CORIN: variants seen among roughly 807,000 people sequenced by gnomAD.
The protein encoded by CORIN is corin, serine peptidase.
Under a neutral mutation model 125.3 loss-of-function variants are expected in CORIN, and 117 were observed. That is an observed-to-expected ratio of 0.93 (90% CI 0.80 to 1.09). The LOEUF (loss-of-function observed/expected upper bound fraction) is 1.09. Among genes scored for constraint, CORIN ranks in the 50% least tolerant of loss-of-function variants. The pLI, the probability that CORIN is intolerant of heterozygous loss-of-function variation, is 0.00. For synonymous variants in CORIN, 450 were observed against 466.4 expected (o/e 0.96, Z 0.45); for missense variants, 1,253 against 1,306.7 (o/e 0.96, Z 0.63).
chr4:47,686,502 T>C (rs567779787), intron 6 of CORIN, among the ~76,000 whole-genome samples: 1 of 152,180 alleles, frequency 6.6e-6, no homozygotes. Context: ...GCACCCCCAC[T>C]GCTGAATGAG....
intron 10 of CORIN, among the ~76,000 whole-genome samples, chr4:47,670,046 G>A (rs1205180898): frequency 2.6e-5 from 4 of 152,252 alleles, no homozygotes; most frequent in Non-Finnish European, 5.9e-5. Context: ...GACTTGTAGG[G>A]TATACCAGCT....
chr4:47,755,798 A>G (rs6846979), intron 4 of CORIN, among the ~76,000 whole-genome samples: 28,002 of 152,218 alleles, frequency 0.18, 2,997 homozygotes, highest in Admixed American at 0.27. Context: ...TAATATACAC[A>G]CAAAATTTGA....
chr4:47,739,169 A>T (rs1728267368), intron 5 of CORIN, among the ~76,000 whole-genome samples: 1 of 152,074 alleles, frequency 6.6e-6, no homozygotes, highest in South Asian at 2.1e-4. Context: ...AACTTCTCAA[A>T]TTTGGAGAAA....
chr4:47,797,834 T>C (rs891827468), intron 2 of CORIN, among the ~76,000 whole-genome samples: 3 of 152,096 alleles, frequency 2.0e-5, no homozygotes, highest in Non-Finnish European at 2.9e-5. Context: ...TTATCTCATG[T>C]AGAAAATAAA....
At chr4:47,785,972 T>C (rs1401108720) in intron 3 of CORIN, among the ~76,000 whole-genome samples, 1 of 151,054 alleles carries the variant, frequency 6.6e-6, no homozygotes, top group Non-Finnish European at 1.5e-5. Context: ...CTCAGCATCC[T>C]GTTATTGAAT....
Position 47,661,804 on chromosome 4 carries a change from C to G in CORIN, c.1642G>C (p.Gly548Arg). 6.2e-7 allele frequency: 1 copy of G among 1,613,396 alleles called. No homozygotes were observed. Among genetic ancestry groups the G allele is most frequent in the Non-Finnish European group, 8.5e-7 (1 of 1,179,608 alleles). The change falls in exon 12 of 22, where the codon GGC becomes CGC. Residue 548 changes from glycine (G) to arginine (R), a missense_variant. Transcript: ENST00000273857. ...TCTGTGTCTTCAGGCCACTGTAGGCCCACAATCCCAAGAACAGACTCACAG... is the reference window on the plus strand; with the variant it reads ...TCTGTGTCTTCAGGCCACTGTAGGCGCACAATCCCAAGAACAGACTCACAG... ...ERCESVLGIVGLQWPEDTDCS... is the reference protein window; with the variant it reads ...ERCESVLGIVRLQWPEDTDCS...
At chr4:47,741,705 T>C (rs1340691566) in intron 5 of CORIN, among the ~76,000 whole-genome samples, 1 of 152,056 alleles carries the variant, frequency 6.6e-6, no homozygotes, top group African/African-American at 2.4e-5. Context: ...ATTCCTACAA[T>C]GGAGTATCAA....
At chr4:47,837,833 G>A (rs539231740) in intron 1 of CORIN, 54 bp downstream of exon 1, 47 of 1,480,382 alleles carry the variant, frequency 3.2e-5, no homozygotes, top group Non-Finnish European at 3.6e-5. Flanking sequence ...AATTCACCGG[G>A]ACTAAGAGGC....
At chr4:47,654,616 A>G (rs1723882038) in intron 12 of CORIN, among the ~76,000 whole-genome samples, 1 of 152,218 alleles carries the variant, frequency 6.6e-6, no homozygotes, top group African/African-American at 2.4e-5. Flanking sequence ...TGGAGGGAGC[A>G]TTTAGATGAA....
intron 2 of CORIN, among the ~76,000 whole-genome samples, chr4:47,791,064 G>A (rs1020613543): frequency 7.9e-5 from 12 of 152,132 alleles, no homozygotes; most frequent in Non-Finnish European, 1.3e-4. Context: ...TAGAACCTGT[G>A]AATATTCTGC....
intron 4 of CORIN, among the ~76,000 whole-genome samples, chr4:47,758,048 G>T (rs112572330): frequency 5.3e-4 from 81 of 151,630 alleles, no homozygotes; most frequent in African/African-American, 1.9e-3. Flanking sequence ...CGAGTAGCTG[G>T]GACTACAGGC....
intron 13 of CORIN, 81 bp downstream of exon 13, chr4:47,653,472 A>G (rs780749452): frequency 7.6e-5 from 82 of 1,084,006 alleles, no homozygotes; most frequent in Middle Eastern, 6.0e-4. Flanking sequence ...ATCAGTGAAT[A>G]GTTTCCATTT....
chr4:47,685,126 G>A (rs1725453690), intron 6 of CORIN, among the ~76,000 whole-genome samples: 1 of 152,128 alleles, frequency 6.6e-6, no homozygotes, highest in Non-Finnish European at 1.5e-5. Flanking sequence ...GAAGGTAACT[G>A]CAACCTTACC....
chr4:47,822,170 T>G (rs4695279), intron 1 of CORIN, among the ~76,000 whole-genome samples: 7,547 of 152,292 alleles, frequency 0.05, 638 homozygotes, highest in African/African-American at 0.17. Context: ...ATGTATTTAC[T>G]TTTTTCCTTT....
chr4:47,802,272 C>T (rs1731576028), intron 2 of CORIN, among the ~76,000 whole-genome samples: 1 of 152,172 alleles, frequency 6.6e-6, no homozygotes, highest in Non-Finnish European at 1.5e-5. Context: ...GAGGTGACTG[C>T]TTGGCCTCGG....
At chr4:47,668,070 G>C (rs1724562597) in intron 10 of CORIN, among the ~76,000 whole-genome samples, 1 of 152,106 alleles carries the variant, frequency 6.6e-6, no homozygotes, top group African/African-American at 2.4e-5. Flanking sequence ...GCCCAGAGAG[G>C]GTCCTCACCA....
At chr4:47,809,904 T>C (rs1258888484) in intron 1 of CORIN, among the ~76,000 whole-genome samples, 1 of 152,194 alleles carries the variant, frequency 6.6e-6, no homozygotes, top group Non-Finnish European at 1.5e-5. Flanking sequence ...GACTTCACTG[T>C]TGAGTAAATG....
At chr4:47,686,712 C>T (rs893332367) in intron 6 of CORIN, among the ~76,000 whole-genome samples, 1 of 152,068 alleles carries the variant, frequency 6.6e-6, no homozygotes, top group Non-Finnish European at 1.5e-5. Context: ...AGCAATAGCC[C>T]GGGAAATAAG....
chr4:47,624,542 G>C (rs1207644538), intron 17 of CORIN, among the ~76,000 whole-genome samples: 1 of 152,102 alleles, frequency 6.6e-6, no homozygotes, highest in Admixed American at 6.5e-5. Context: ...ATGAGAAGTT[G>C]ACAAGAGGAA....
Sources: gnomAD v4.1 joint callset for allele counts (sites outside exome capture counted in the v4.1 genomes callset) on GRCh38, gnomAD v4.1.1 for gene constraint, MANE v1.5 for transcripts, NCBI Gene and HGNC (gene_info 2026-07-23, HGNC 2026-07-21) for gene names.